The following EPHA5 variants were observed in gnomAD, a reference collection of about 807,000 sequenced individuals.
The protein encoded by EPHA5 is ephrin type-A receptor 5.
EPHA5 carries 60 observed loss-of-function variants against 105.0 expected under a neutral mutation model. That is an observed-to-expected ratio of 0.57 (90% CI 0.46 to 0.71). The LOEUF is 0.71. Among genes scored for constraint, EPHA5 ranks in the 30% least tolerant of loss-of-function variants. EPHA5 has a pLI of 0.00. For missense variants in EPHA5, 1,218 were observed against 1,274.7 expected, an observed-to-expected ratio of 0.96 and a Z score of 0.68; for synonymous variants, 513 against 449.1, an observed-to-expected ratio of 1.14 and a Z score of -1.80.
intron 2 of EPHA5, among the ~76,000 whole-genome samples, chr4:65,634,921 G>T (rs115637574): frequency 6.6e-6 from 1 of 151,852 alleles, no homozygotes; most frequent in Non-Finnish European, 1.5e-5. Context: ...GAGTTCAAAT[G>T]CTTCTCCTTA....
intron 3 of EPHA5, among the ~76,000 whole-genome samples, chr4:65,576,754 G>A (rs887777902): frequency 1.3e-5 from 2 of 152,148 alleles, no homozygotes; most frequent in African/African-American, 4.8e-5. Context: ...TCCTGCTATG[G>A]ATTGTCACTT....
chr4:65,466,281 C>G (rs549702448), intron 5 of EPHA5, among the ~76,000 whole-genome samples: 116 of 152,290 alleles, frequency 7.6e-4, no homozygotes, highest in South Asian at 7.3e-3. Context: ...GACATAAAAA[C>G]AAGCATAGAA....
At chr4:65,519,009 C>A (rs1365197912) in intron 3 of EPHA5, among the ~76,000 whole-genome samples, 1 of 151,790 alleles carries the variant, frequency 6.6e-6, no homozygotes. Context: ...AGAGACACAA[C>A]CAAAAAAGAG....
At chr4:65,633,494 G>A (rs1746835290) in intron 2 of EPHA5, among the ~76,000 whole-genome samples, 1 of 151,544 alleles carries the variant, frequency 6.6e-6, no homozygotes, top group Non-Finnish European at 1.5e-5. Flanking sequence ...AAGATGGAAG[G>A]AAAAAACAAA....
intron 5 of EPHA5, among the ~76,000 whole-genome samples, chr4:65,452,899 T>C (rs1322952390): frequency 1.3e-5 from 2 of 152,166 alleles, no homozygotes. Context: ...AGAAAAATCC[T>C]CCAAAAAGAA....
intron 5 of EPHA5, among the ~76,000 whole-genome samples, chr4:65,479,478 A>T (rs559253367): frequency 5.3e-5 from 8 of 152,328 alleles, no homozygotes; most frequent in African/African-American, 1.9e-4. Flanking sequence ...TGAAAAAAAT[A>T]GAACTATATT....
chr4:65,385,379 G>A (rs1400591146), intron 8 of EPHA5, among the ~76,000 whole-genome samples: 1 of 151,718 alleles, frequency 6.6e-6, no homozygotes, highest in African/African-American at 2.4e-5. Context: ...ATTTAATTAT[G>A]TCTCTCTCAA....
At chr4:65,630,789 C>T (rs1403608518) in intron 2 of EPHA5, among the ~76,000 whole-genome samples, 2 of 152,130 alleles carry the variant, frequency 1.3e-5, no homozygotes, top group South Asian at 2.1e-4. Flanking sequence ...AAAGCAACCC[C>T]TGCCTAGCTG....
chr4:65,529,778 A>G (rs887454717), intron 3 of EPHA5, among the ~76,000 whole-genome samples: 1 of 152,144 alleles, frequency 6.6e-6, no homozygotes. Context: ...AACTCAATAC[A>G]TTAAATTGGT....
chr4:65,593,944 G>A (rs1387715299), intron 3 of EPHA5, among the ~76,000 whole-genome samples: 11 of 152,144 alleles, frequency 7.2e-5, no homozygotes, highest in African/African-American at 2.2e-4. Flanking sequence ...TGAAGAATCT[G>A]AAAACTGATA....
intron 5 of EPHA5, among the ~76,000 whole-genome samples, chr4:65,426,830 CAA>C (rs1165036219): frequency 3.3e-5 from 5 of 151,874 alleles, no homozygotes; most frequent in Non-Finnish European, 5.9e-5. Flanking sequence ...GTCTTCAAAG[CAA>C]TATATTTTTT....
chr4:65,431,664 G>A (rs1055304343), intron 5 of EPHA5, among the ~76,000 whole-genome samples: 4 of 151,952 alleles, frequency 2.6e-5, no homozygotes, highest in South Asian at 4.1e-4. Context: ...TTGGGTTATC[G>A]CAATCAACAA....
At chr4:65,532,637 T>G (rs1735915457) in intron 3 of EPHA5, among the ~76,000 whole-genome samples, 1 of 151,324 alleles carries the variant, frequency 6.6e-6, no homozygotes, top group African/African-American at 2.4e-5. Flanking sequence ...CTCCCCAATT[T>G]TCGTTGAATC....
chr4:65,384,509 T>A (rs1388327992), intron 8 of EPHA5, among the ~76,000 whole-genome samples: 1 of 151,836 alleles, frequency 6.6e-6, no homozygotes, highest in East Asian at 1.9e-4. Context: ...ATGCTCTGAT[T>A]TTAGGTAGCC....
chr4:65,473,926 C>A, intron 5 of EPHA5, among the ~76,000 whole-genome samples: 1 of 140,072 alleles, frequency 7.1e-6, no homozygotes, highest in East Asian at 2.1e-4. Context: ...CCTTTAATAT[C>A]TATAGCATAT....
chr4:65,462,454 G>C (rs529289445), intron 5 of EPHA5, among the ~76,000 whole-genome samples: 1 of 152,088 alleles, frequency 6.6e-6, no homozygotes. Flanking sequence ...CATTGATGGG[G>C]GGGTCTTCTC....
At chr4:65,518,796 C>G (rs1177323889) in intron 3 of EPHA5, among the ~76,000 whole-genome samples, 1 of 152,030 alleles carries the variant, frequency 6.6e-6, no homozygotes, top group Non-Finnish European at 1.5e-5. Flanking sequence ...ACAACAATAA[C>G]AGGCTCTGAA....
chr4:65,498,011 C>T (rs964220237), intron 3 of EPHA5, among the ~76,000 whole-genome samples: 1 of 151,800 alleles, frequency 6.6e-6, no homozygotes, highest in Non-Finnish European at 1.5e-5. Flanking sequence ...AACATAGATA[C>T]CCAATTTAAT....
chr4:65,384,857 A>C (rs1157798004), intron 8 of EPHA5, among the ~76,000 whole-genome samples: 1 of 151,862 alleles, frequency 6.6e-6, no homozygotes, highest in Admixed American at 6.6e-5. Flanking sequence ...TTACTCCTGC[A>C]GAACGATGCC....
Sources: gnomAD v4.1 joint callset for allele counts (sites outside exome capture counted in the v4.1 genomes callset) on GRCh38, gnomAD v4.1.1 for gene constraint, MANE v1.5 for transcripts, NCBI Gene and HGNC (gene_info 2026-07-23, HGNC 2026-07-21) for gene names.